The following C1orf94 variants were observed in gnomAD, a reference collection of about 807,000 sequenced individuals.
C1orf94 encodes uncharacterized protein C1orf94.
Under a neutral mutation model 53.6 loss-of-function variants are expected in C1orf94, and 45 were observed. The ratio of observed to expected loss-of-function variants is 0.84; its 90% CI spans 0.66 to 1.08. The LOEUF is 1.08. Among genes scored for constraint, C1orf94 ranks in the 50% least tolerant of loss-of-function variants. C1orf94 has a pLI of 0.00. For synonymous variants in C1orf94, 304 were observed against 296.1 expected, an observed-to-expected ratio of 1.03 and a Z score of -0.27; for missense variants, 762 against 738.9, an observed-to-expected ratio of 1.03 and a Z score of -0.36.
At chr1:34,206,249 T>C (rs1361875856) in intron 4 of C1orf94, among the ~76,000 whole-genome samples, 2 of 152,188 alleles carry the variant, frequency 1.3e-5, no homozygotes, top group Non-Finnish European at 2.9e-5. Context: ...CTGTCCCTAC[T>C]GTATGGGCTC....
Position 34,197,580 on chromosome 1 carries a change from G to A in C1orf94, c.676G>A (p.Gly226Ser). ...VKSSKGTEDR[G>S]RILGDSNLQV... ...GAGCAGCAAGGGGACAGAGGACAGGGGCCGCATCCTAGGTGACTCCAACTT... is the reference window on the plus strand; with the variant it reads ...GAGCAGCAAGGGGACAGAGGACAGGAGCCGCATCCTAGGTGACTCCAACTT... The change falls in exon 2 of 7, where the codon GGC becomes AGC. Residue 226 changes from glycine (G) to serine (S), a missense_variant. Gly to Ser is a moderately conservative substitution (Grantham distance 56). Coordinates refer to ENST00000488417, the MANE Select transcript of C1orf94 (RefSeq NM_001134734.2). This position sits in a 1 kb window ranked among gnomAD's most constrained non-coding sequence, Gnocchi z 4.1. 1.2e-6 allele frequency: 2 copies of A among 1,614,140 alleles called. No individual in the cohort carries two copies. Among genetic ancestry groups the A allele is most frequent in the South Asian group, 2.2e-5 (2 of 91,078 alleles).
intron 5 of C1orf94, among the ~76,000 whole-genome samples, chr1:34,210,568 C>T: frequency 6.6e-6 from 1 of 152,214 alleles, no homozygotes; most frequent in Non-Finnish European, 1.5e-5. Flanking sequence ...AATGGCCCTA[C>T]CTCACAGGGC....
At position 34,168,940 on chromosome 1, in the gene C1orf94, A is replaced by G. The variant is rs575939677; in HGVS notation, c.-251+1769A>G. On this transcript the variant is annotated intron_variant, in intron 1 of 6. Transcript: ENST00000373374. ...ATAACAGGAGGAGATGACTTTTCAG[A>G]TGGAGGGAGGAGAGAGATGCTTGAC... Among the ~76,000 whole-genome samples the G allele has an allele frequency of 3.3e-5, 5 of 152,332 alleles. No homozygotes were observed. The East Asian group carries it at 7.7e-4, about 23-fold the overall frequency.
In C1orf94 at chr1:34,197,767, C is replaced by A; in HGVS notation, c.863C>A (p.Pro288Gln). The change falls in exon 2 of 7, where the codon CCA (proline) becomes CAA (glutamine). Residue 288 changes from proline to glutamine, a missense_variant. Physicochemically the swap from Pro to Gln is moderately conservative, Grantham distance 76. Coordinates refer to ENST00000488417, the MANE Select transcript of C1orf94 (RefSeq NM_001134734.2). The surrounding 1 kb of genome is among the most constrained non-coding windows in gnomAD (Gnocchi z 4.1). ...PGPKEPTGLSPFLLLPPRPPP... is the reference protein window; with the variant it reads ...PGPKEPTGLSQFLLLPPRPPP... ...CCCAAGGAGCCCACAGGGCTGAGCC[C>A]ATTTCTGCTGCTGCCTCCCCGACCT... 1 of 1,614,212 alleles carries A rather than the reference C, an allele frequency of 6.2e-7. No individual in the cohort carries two copies.
chr1:34,208,324 G>T, intron 5 of C1orf94, 90 bp downstream of exon 5: 1 of 1,317,922 alleles, frequency 7.6e-7, no homozygotes, highest in South Asian at 1.3e-5. Context: ...TTTCCAGCTG[G>T]TGACCAGACA....
chr1:34,172,649 C>T (rs1642165662), upstream of C1orf94, among the ~76,000 whole-genome samples: 1 of 152,202 alleles, frequency 6.6e-6, no homozygotes, highest in South Asian at 2.1e-4. Context: ...GGGAAAAACC[C>T]CCAAGAAATG....
intron 5 of C1orf94, 98 bp downstream of exon 5, chr1:34,208,332 A>G (rs1642833751): frequency 1.1e-5 from 13 of 1,210,794 alleles, no homozygotes; most frequent in Non-Finnish European, 1.5e-5. Context: ...TGGTGACCAG[A>G]CACCTGGCCC....
intron 1 of C1orf94, among the ~76,000 whole-genome samples, chr1:34,169,227 A>G (rs1642098611): frequency 6.6e-6 from 1 of 152,140 alleles, no homozygotes; most frequent in Non-Finnish European, 1.5e-5. Flanking sequence ...GGGACCCTGG[A>G]AACATCTGCA....
At position 34,177,326 on chromosome 1, in the gene C1orf94, T is replaced by C. The variant is rs1218945931; in HGVS notation, c.-464T>C. 6.6e-6 allele frequency among the ~76,000 whole-genome samples: 1 copy of C among 151,974 alleles called. No individual in the cohort carries two copies. Among genetic ancestry groups the C allele is most frequent in the Non-Finnish European group, 1.5e-5 (1 of 67,944 alleles). ...CTCCTGCGGGGCCCCGCCCCCCGAGTGCCTACAATGGTGCCAGGCCCGCAC... is the reference window on the plus strand; with the variant it reads ...CTCCTGCGGGGCCCCGCCCCCCGAGCGCCTACAATGGTGCCAGGCCCGCAC... On this transcript the variant is annotated 5_prime_UTR_variant, in exon 1 of 7. Coordinates refer to ENST00000488417, the MANE Select transcript of C1orf94 (RefSeq NM_001134734.2).
At position 34,212,387 on chromosome 1, in the gene C1orf94, C is replaced by A; in HGVS notation, c.1702C>A (p.Leu568Ile). 6.2e-7 allele frequency: 1 copy of A among 1,612,060 alleles called. No homozygotes were observed. The highest frequency in any genetic ancestry group is 8.5e-7 in the Non-Finnish European group (1 of 1,178,976). Reference sequence around the variant, plus strand: ...AATGGCAGGAGATGGACCGCAGTACCTCTTTCCCCAAGGATATGGGTGAGT... The same window carrying A: ...AATGGCAGGAGATGGACCGCAGTACATCTTTCCCCAAGGATATGGGTGAGT... ...PLMAGDGPQY[L>I]FPQGYGFGST... Residue 568 changes from leucine (L) to isoleucine (I), a missense_variant, in exon 6 of 7, where the codon CTC becomes ATC. Transcript: ENST00000488417.
At chr1:34,211,778 G>A (rs1642893678) in intron 5 of C1orf94, among the ~76,000 whole-genome samples, 1 of 152,144 alleles carries the variant, frequency 6.6e-6, no homozygotes, top group Non-Finnish European at 1.5e-5. Flanking sequence ...AAGAGAGATA[G>A]AAGCCAGAGC....
chr1:34,207,021 T>C (rs993453834), intron 4 of C1orf94, among the ~76,000 whole-genome samples: 4 of 152,002 alleles, frequency 2.6e-5, no homozygotes, highest in African/African-American at 9.7e-5. Context: ...TATCAGAAAG[T>C]CCACAGGCCA....
chr1:34,179,017 G>C (rs937211213), intron 1 of C1orf94, among the ~76,000 whole-genome samples: 1 of 152,224 alleles, frequency 6.6e-6, no homozygotes, highest in African/African-American at 2.4e-5. Flanking sequence ...AGTGTTGCCT[G>C]CTCCAACACA....
intron 2 of C1orf94, among the ~76,000 whole-genome samples, chr1:34,200,479 T>G (rs868379701): frequency 6.6e-6 from 1 of 151,798 alleles, no homozygotes; most frequent in Non-Finnish European, 1.5e-5. Context: ...GATGGACAGA[T>G]GGATGGATGG....
intron 1 of C1orf94, among the ~76,000 whole-genome samples, chr1:34,168,182 G>A (rs550221452): frequency 1.3e-5 from 2 of 152,146 alleles, no homozygotes; most frequent in Non-Finnish European, 2.9e-5. Context: ...GGAGGCTAAA[G>A]CCAGAGGATC....
chr1:34,210,383 A>AG (rs1642870041), intron 5 of C1orf94, among the ~76,000 whole-genome samples: 1 of 152,160 alleles, frequency 6.6e-6, no homozygotes, highest in Non-Finnish European at 1.5e-5. Flanking sequence ...GAAGACCGGG[A>AG]GGGAGGACTC....
intron 1 of C1orf94, among the ~76,000 whole-genome samples, chr1:34,169,220 A>T (rs958200107): frequency 1.3e-5 from 2 of 152,108 alleles, no homozygotes; most frequent in African/African-American, 4.8e-5. Flanking sequence ...AGAGATGGGG[A>T]CCCTGGAAAC....
chr1:34,215,972 T>C (rs546001847), intron 6 of C1orf94, among the ~76,000 whole-genome samples: 7 of 152,064 alleles, frequency 4.6e-5, no homozygotes, highest in Non-Finnish European at 1.0e-4. Flanking sequence ...TGCCATTGTA[T>C]TCCAGCCTGG....
intron 6 of C1orf94, among the ~76,000 whole-genome samples, chr1:34,216,910 C>A (rs1008054521): frequency 6.6e-6 from 1 of 152,110 alleles, no homozygotes; most frequent in Admixed American, 6.5e-5. Flanking sequence ...GAAACCCCAT[C>A]TCTACCAAAA....
Sources: allele counts gnomAD v4.1 joint callset (sites outside exome capture counted in the v4.1 genomes callset), GRCh38; gene constraint gnomAD v4.1.1; non-coding constraint Gnocchi (gnomAD v3.1); transcripts MANE v1.5; gene names NCBI Gene and HGNC (gene_info 2026-07-23, HGNC 2026-07-21).